Variants in NFKBIZ observed in about 807,000 individuals in gnomAD.
The protein encoded by NFKBIZ is NFKB inhibitor zeta, also known as NF-kappa-B inhibitor zeta.
NFKBIZ carries 19 observed loss-of-function variants against 76.8 expected under a neutral mutation model. That is an observed-to-expected ratio of 0.25 (90% CI 0.17 to 0.36). NFKBIZ has a LOEUF of 0.36. Among genes scored for constraint, NFKBIZ ranks in the 10% least tolerant of loss-of-function variants. The pLI, the probability that NFKBIZ is intolerant of heterozygous loss-of-function variation, is 1.00. For missense variants in NFKBIZ, 829 were observed against 910.9 expected (o/e 0.91, Z 1.16); for synonymous variants, 368 against 354.8 (o/e 1.04, Z -0.42).
intron 2 of NFKBIZ, among the ~76,000 whole-genome samples, chr3:101,831,143 A>T (rs1942641334): frequency 2.0e-5 from 3 of 152,306 alleles, no homozygotes; most frequent in African/African-American, 7.2e-5. Flanking sequence ...ACAGCCTAGT[A>T]CTGTGAATCT....
intron 2 of NFKBIZ, among the ~76,000 whole-genome samples, chr3:101,837,063 A>C (rs538335593): frequency 6.6e-6 from 1 of 152,214 alleles, no homozygotes; most frequent in Non-Finnish European, 1.5e-5. Flanking sequence ...TCATATGAAC[A>C]TAAGAAATCT....
chr3:101,858,338 A>T (rs1560090363), intron 11 of NFKBIZ: 1 of 969,018 alleles, frequency 1.0e-6, no homozygotes, highest in Non-Finnish European at 1.2e-6. Flanking sequence ...CATGTATATC[A>T]TTTAATAGTT....
At chr3:101,857,568 T>G in intron 11 of NFKBIZ, 109 bp downstream of exon 11, 1 of 1,517,418 alleles carries the variant, frequency 6.6e-7, no homozygotes, top group Non-Finnish European at 8.8e-7. Flanking sequence ...TCAGGTGGAC[T>G]CTATCAGTGT....
intron 5 of NFKBIZ, 28 bp from the exon 6 acceptor site, chr3:101,854,550 C>A: frequency 7.4e-7 from 1 of 1,344,182 alleles, no homozygotes; most frequent in Non-Finnish European, 1.1e-6. Context: ...AGAAGTGATT[C>A]ACCCGCTTTC....
At chr3:101,854,901 T>G (rs1454129163) in intron 6 of NFKBIZ, among the ~76,000 whole-genome samples, 161 bp from the exon 7 acceptor site, 2 of 152,228 alleles carry the variant, frequency 1.3e-5, no homozygotes, top group Non-Finnish European at 2.9e-5. Context: ...AGCCACACCC[T>G]AGGCTTACTT....
rs140077856 is a variant in NFKBIZ, at chr3:101,857,077, G to A, written c.1829G>A (p.Arg610His). Reference sequence around the variant, plus strand: ...CTCCCTCTTGCCTTTGACAAGGATCGCAAAAGTGGCCGCACAGCCCTGCAT... The same window carrying A: ...CTCCCTCTTGCCTTTGACAAGGATCACAAAAGTGGCCGCACAGCCCTGCAT... ...QMGAAVEAKD[R>H]KSGRTALHLA... The change falls in exon 10 of 12, where the codon CGC becomes CAC. Residue 610 changes from arginine to histidine, a missense_variant. Around this residue, in one of 4 missense-constraint regions of NFKBIZ, gnomAD observed 272 missense variants for 384.2 expected, o/e 0.71. Coordinates refer to ENST00000326172, the MANE Select transcript of NFKBIZ (RefSeq NM_031419.4). 1.9e-6 allele frequency: 3 copies of A among 1,602,572 alleles called. No individual in the cohort carries two copies. Among genetic ancestry groups the A allele is most frequent in the South Asian group, 2.2e-5 (2 of 89,716 alleles).
At chr3:101,837,119 T>C (rs1191966555) in intron 2 of NFKBIZ, among the ~76,000 whole-genome samples, 1 of 152,180 alleles carries the variant, frequency 6.6e-6, no homozygotes, top group African/African-American at 2.4e-5. Flanking sequence ...CTGCCAATTA[T>C]GGGATGGTGT....
rs1943028791 is a variant in NFKBIZ, at chr3:101,855,054, A to G, written c.1444-8A>G. 6.3e-7 allele frequency: 1 copy of G among 1,592,274 alleles called. No homozygotes were observed. The highest frequency in any genetic ancestry group is 1.9e-5 in the Admixed American group (1 of 53,396). ...TTAAAATATCTTTTTTCCTCTGGAT[A>G]TCCACAGAGTGCCTTTCAGGTGGCA... On this transcript the variant is annotated splice_polypyrimidine_tract_variant and splice_region_variant and intron_variant, in intron 6 of 11. Transcript: ENST00000326172.
chr3:101,859,795 C>CTT lies in NFKBIZ; in HGVS notation c.*425_*426dup, dbSNP rs993568660. The CTT allele has an allele frequency of 6.3e-6, 1 of 159,748 alleles. No homozygotes were observed. Among genetic ancestry groups the CTT allele is most frequent in the African/African-American group, 2.4e-5 (1 of 41,640 alleles). 9.9% of individuals were successfully genotyped at this position (159,748 alleles called of 1,614,324 possible). On this transcript the variant is annotated 3_prime_UTR_variant, in exon 12 of 12. Transcript: ENST00000326172. ...ATACAGCATTGAGGCTTCATTTGGCCTTAGTCCCTGGGAGTTACTGGCGTT... is the reference window on the plus strand; with the variant it reads ...ATACAGCATTGAGGCTTCATTTGGCCTTTTAGTCCCTGGGAGTTACTGGCGTT...
intron 11 of NFKBIZ, among the ~76,000 whole-genome samples, chr3:101,859,038 A>C (rs1481130841): frequency 6.6e-6 from 1 of 152,214 alleles, no homozygotes; most frequent in East Asian, 1.9e-4. Flanking sequence ...ATAGGTGTTA[A>C]GTTTATGGAG....
At chr3:101,858,576 TG>T (rs1270821834) in intron 11 of NFKBIZ, among the ~76,000 whole-genome samples, 1 of 152,210 alleles carries the variant, frequency 6.6e-6, no homozygotes, top group Non-Finnish European at 1.5e-5. Flanking sequence ...CTTTTTGCTT[TG>T]GTATTTTGTG....
chr3:101,854,523 A>G (rs569027081), intron 5 of NFKBIZ, 55 bp from the exon 6 acceptor site: 2 of 1,095,684 alleles, frequency 1.8e-6, no homozygotes, highest in South Asian at 1.4e-5. Flanking sequence ...TTTTCAAAAG[A>G]ACAACTTAGT....
At position 101,840,846 on chromosome 3, in the gene NFKBIZ, AGT is replaced by A. The variant is rs957066562; in HGVS notation, c.-12+11160_-12+11161del. 2.4e-4 allele frequency among the ~76,000 whole-genome samples: 36 copies of A among 152,202 alleles called. 1 individual carries two copies. Among genetic ancestry groups the A allele is most frequent in the Non-Finnish European group, 2.9e-5 (2 of 68,034 alleles). On this transcript the variant is annotated intron_variant, in intron 2 of 12. Coordinates refer to the NFKBIZ transcript ENST00000394054. ...CATAGTGGACGACTCACTCACACCT[AGT>A]GGGTGCTCAGAAAATATTTGTGAAG...
upstream of NFKBIZ, chr3:101,849,431 A>C: frequency 2.6e-6 from 1 of 385,018 alleles, no homozygotes; most frequent in Non-Finnish European, 4.5e-6. Flanking sequence ...CGGCCCGGGC[A>C]CCGCCAATGG....
At chr3:101,837,231 T>A (rs1942731583) in intron 2 of NFKBIZ, among the ~76,000 whole-genome samples, 1 of 152,192 alleles carries the variant, frequency 6.6e-6, no homozygotes, top group Non-Finnish European at 1.5e-5. Context: ...AATGTGAATC[T>A]ACTTGTATTT....
intron 2 of NFKBIZ, among the ~76,000 whole-genome samples, chr3:101,837,214 A>G (rs538569739): frequency 2.0e-5 from 3 of 152,310 alleles, no homozygotes; most frequent in South Asian, 2.1e-4. Flanking sequence ...GATCATAATC[A>G]AAGGTAAATG....
chr3:101,852,883 C>T lies in NFKBIZ; in HGVS notation c.461-3C>T. On this transcript the variant is annotated splice_region_variant and splice_polypyrimidine_tract_variant and intron_variant, in intron 3 of 11. Transcript: ENST00000326172. ...GACAGAGGCTGTATTCCTTTGGGTA[C>T]AGAATTGAAGAACACAGTATCATAC... 2 of 1,612,764 alleles carry T rather than the reference C, an allele frequency of 1.2e-6. No individual in the cohort carries two copies. The highest frequency in any genetic ancestry group is 1.7e-6 in the Non-Finnish European group (2 of 1,179,068).
intron 2 of NFKBIZ, 76 bp from the exon 3 acceptor site, chr3:101,852,662 G>C (rs1560087696): frequency 1.0e-6 from 1 of 972,084 alleles, no homozygotes. Context: ...GGGTGGTAGA[G>C]ATAAGCCTAC....
intron 2 of NFKBIZ, among the ~76,000 whole-genome samples, chr3:101,837,862 T>A (rs1042985902): frequency 6.6e-6 from 1 of 152,208 alleles, no homozygotes; most frequent in Admixed American, 6.5e-5. Context: ...ATTCTGAGCA[T>A]GATTGTTGGA....
Sources: allele counts gnomAD v4.1 joint callset (sites outside exome capture counted in the v4.1 genomes callset), GRCh38; gene constraint gnomAD v4.1.1; regional missense constraint gnomAD v4.1.1; transcripts MANE v1.5; gene names NCBI Gene and HGNC (gene_info 2026-07-23, HGNC 2026-07-21).